Variants in UBQLN4 observed in about 807,000 individuals in gnomAD.
UBQLN4 encodes the protein ubiquilin 4, also known as ubiquilin-4.
A neutral mutation model predicts 60.4 loss-of-function variants in UBQLN4; 11 were observed. The observed-to-expected ratio is 0.18, with a 90% CI of 0.11 to 0.30. The LOEUF is 0.30. Ranked by LOEUF, UBQLN4 falls within the 10% of genes least tolerant of loss-of-function variation. UBQLN4 has a pLI of 1.00. For missense variants in UBQLN4, 417 were observed against 795.5 expected (o/e 0.52, Z 5.72); for synonymous variants, 258 against 313.1 (o/e 0.82, Z 1.86).
chr1:156,042,308 C>A, intron 7 of UBQLN4, 72 bp from the exon 8 acceptor site: 1 of 1,495,632 alleles, frequency 6.7e-7, no homozygotes, highest in East Asian at 2.4e-5. Flanking sequence ...GCCTCAGACT[C>A]CCTGGGCACC....
chr1:156,053,220 G>A (rs963278978), intron 1 of UBQLN4, among the ~76,000 whole-genome samples: 1 of 152,170 alleles, frequency 6.6e-6, no homozygotes, highest in African/African-American at 2.4e-5. Context: ...GAGGCACAGA[G>A]TAGGCGCCGG....
At position 156,051,218 on chromosome 1, in the gene UBQLN4, A is replaced by G; in HGVS notation, c.370T>C (p.Ser124Pro). 6.2e-7 allele frequency: 1 copy of G among 1,609,742 alleles called. No homozygotes were observed. The highest frequency in any genetic ancestry group is 8.5e-7 in the Non-Finnish European group (1 of 1,177,990). The change falls in exon 3 of 11, where the codon TCT becomes CCT. Residue 124 changes from serine (S) to proline (P), a missense_variant. By Grantham distance (74) the Ser-to-Pro change is moderately conservative (BLOSUM62 -1). Coordinates refer to ENST00000368309, the MANE Select transcript of UBQLN4 (RefSeq NM_020131.5). ...SPATPAQPSTSGSASSDAGSG... is the reference protein window; with the variant it reads ...SPATPAQPSTPGSASSDAGSG... Reference sequence around the variant, plus strand: ...CCAGCATCTGAAGAGGCACTGCCAGAGGTGGAGGGCTGGGCAGGGGTGGCG... The same window carrying G: ...CCAGCATCTGAAGAGGCACTGCCAGGGGTGGAGGGCTGGGCAGGGGTGGCG...
chr1:156,035,972 G>T lies in UBQLN4; in HGVS notation c.*1006C>A. 1 of 985,790 alleles carries T rather than the reference G, an allele frequency of 1.0e-6. No homozygotes were observed. The highest frequency in any genetic ancestry group is 1.2e-6 in the Non-Finnish European group (1 of 830,152). 61.1% of individuals were successfully genotyped at this position (985,790 alleles called of 1,614,324 possible). ...CCCCAACCCCCTTCATGTCTTTTGA[G>T]GGGGGCTCAAACTACTGGTGCCTGG... On this transcript the variant is annotated 3_prime_UTR_variant, in exon 11 of 11. Transcript: ENST00000368309.
chr1:156,038,620 A>C (rs1320162956), intron 10 of UBQLN4, among the ~76,000 whole-genome samples: 1 of 152,072 alleles, frequency 6.6e-6, no homozygotes, highest in East Asian at 1.9e-4. Context: ...CTGTGCCATA[A>C]CACTCCAGCA....
chr1:156,038,571 C>T (rs1683464945), intron 10 of UBQLN4, among the ~76,000 whole-genome samples: 1 of 151,864 alleles, frequency 6.6e-6, no homozygotes, highest in South Asian at 2.1e-4. Flanking sequence ...GCAGGAGAAT[C>T]GCTTGAACCC....
intron 10 of UBQLN4, 50 bp downstream of exon 10, chr1:156,041,435 C>T: frequency 6.8e-7 from 1 of 1,473,944 alleles, no homozygotes; most frequent in Non-Finnish European, 9.0e-7. Flanking sequence ...CTTGAAACCT[C>T]CCAGGATCAA....
In UBQLN4 at chr1:156,050,895, CCT is replaced by C. The variant is rs1476802111; in HGVS notation, c.478+213_478+214del. 1.3e-5 allele frequency among the ~76,000 whole-genome samples: 2 copies of C among 151,912 alleles called. No homozygotes were observed. The highest frequency in any genetic ancestry group is 2.4e-5 in the African/African-American group (1 of 41,262). On this transcript the variant is annotated intron_variant, in intron 3 of 10. Transcript: ENST00000368309. The surrounding 1 kb of genome is among the most constrained non-coding windows in gnomAD (Gnocchi z 4.6). ...CCCACATCCCCAACCCCATTTCTCC[CCT>C]CACTCCTAACCCTTAGCCATGGTCC...
chr1:156,051,415 C>G, intron 2 of UBQLN4, 88 bp from the exon 3 acceptor site: 1 of 1,479,270 alleles, frequency 6.8e-7, no homozygotes, highest in Non-Finnish European at 9.2e-7. Context: ...TATGGGACAA[C>G]TATTTTAACC....
intron 10 of UBQLN4, among the ~76,000 whole-genome samples, chr1:156,040,476 C>T (rs1336818870): frequency 3.1e-5 from 4 of 128,268 alleles, no homozygotes; most frequent in African/African-American, 5.8e-5. Context: ...GATGGAGTCT[C>T]GCTCTGTCAC....
At chr1:156,053,055 C>T (rs1039885269) in intron 1 of UBQLN4, among the ~76,000 whole-genome samples, 1 of 152,166 alleles carries the variant, frequency 6.6e-6, no homozygotes, top group African/African-American at 2.4e-5. Flanking sequence ...CGTCATTCAA[C>T]AAGATTTTAT....
chr1:156,045,176 G>A (rs569065266), intron 5 of UBQLN4, among the ~76,000 whole-genome samples: 10 of 152,206 alleles, frequency 6.6e-5, no homozygotes, highest in African/African-American at 1.7e-4. Flanking sequence ...CCTCCCCACC[G>A]TAGGGTTTCA....
In UBQLN4 at chr1:156,051,138, T is replaced by A; in HGVS notation, c.450A>T (p.Gly150=). ...GGGPSPGAGE[G]SPSATASILS... Reference sequence around the variant, plus strand: ...GTATGGACGCAGTAGCACTGGGGGATCCCTCCCCAGCCCCCGGAGAGGGCC... The same window carrying A: ...GTATGGACGCAGTAGCACTGGGGGAACCCTCCCCAGCCCCCGGAGAGGGCC... Residue 150 remains glycine, a synonymous_variant, in exon 3 of 11, where the codon GGA becomes GGT. Coordinates refer to ENST00000368309, the MANE Select transcript of UBQLN4 (RefSeq NM_020131.5). The A allele has an allele frequency of 1.2e-6, 2 of 1,613,092 alleles. No individual in the cohort carries two copies. The highest frequency in any genetic ancestry group is 2.7e-5 in the African/African-American group (2 of 75,000).
rs1683411908 is a variant in UBQLN4, at chr1:156,036,691, T to G, written c.*287A>C. 1 of 1,135,146 alleles carries G rather than the reference T, an allele frequency of 8.8e-7. No individual in the cohort carries two copies. The highest frequency in any genetic ancestry group is 1.1e-6 in the Non-Finnish European group (1 of 924,142). The allele number at this position is 1,135,146 out of a possible 1,614,324, so 70.3% of individuals were successfully genotyped here. On this transcript the variant is annotated 3_prime_UTR_variant, in exon 11 of 11. Transcript: ENST00000368309. ...ACTGAAAGTTTAAAGATTGCAAAAG[T>G]GGTGTGGGGCAAGGAGGTAGAGTCA...
At chr1:156,038,493 C>T (rs1243234177) in intron 10 of UBQLN4, among the ~76,000 whole-genome samples, 3 of 151,686 alleles carry the variant, frequency 2.0e-5, no homozygotes, top group Admixed American at 6.6e-5. Flanking sequence ...TACCCCGAGA[C>T]TAAAGATACA....
At chr1:156,037,270 G>C in intron 10 of UBQLN4, 140 bp from the exon 11 acceptor site, 1 of 1,095,852 alleles carries the variant, frequency 9.1e-7, no homozygotes, top group Non-Finnish European at 1.3e-6. Context: ...GCTGCAAATG[G>C]GGGCCCAGGA....
chr1:156,038,386 G>A (rs369283664), intron 10 of UBQLN4, among the ~76,000 whole-genome samples: 26 of 144,430 alleles, frequency 1.8e-4, no homozygotes, highest in East Asian at 4.2e-4. Context: ...ACAAAAGTGC[G>A]TGGTGGCTCA....
chr1:156,035,359 G>A lies in UBQLN4; in HGVS notation c.*1619C>T. On this transcript the variant is annotated 3_prime_UTR_variant, in exon 11 of 11. Transcript: ENST00000368309. ...GCCAGTGTGGGAGCTGGGGGAGGCA[G>A]GGAGGGAAAGCCACACAGACATCTT... 1.0e-6 allele frequency: 1 copy of A among 985,338 alleles called. No homozygotes were observed. Among genetic ancestry groups the A allele is most frequent in the Non-Finnish European group, 1.2e-6 (1 of 829,878 alleles). 61.0% of individuals were successfully genotyped at this position (985,338 alleles called of 1,614,324 possible).
intron 10 of UBQLN4, among the ~76,000 whole-genome samples, chr1:156,040,202 T>C (rs1427779439): frequency 6.6e-6 from 1 of 151,506 alleles, no homozygotes; most frequent in African/African-American, 2.4e-5. Context: ...GAGACCAGCC[T>C]GGACAACATG....
At chr1:156,039,049 C>A (rs1396552326) in intron 10 of UBQLN4, among the ~76,000 whole-genome samples, 2 of 152,144 alleles carry the variant, frequency 1.3e-5, no homozygotes, top group Non-Finnish European at 2.9e-5. Context: ...GCCTTGGCCT[C>A]CCAAAATGTT....
Sources: allele counts gnomAD v4.1 joint callset (sites outside exome capture counted in the v4.1 genomes callset), GRCh38; gene constraint gnomAD v4.1.1; non-coding constraint Gnocchi (gnomAD v3.1); transcripts MANE v1.5; gene names NCBI Gene and HGNC (gene_info 2026-07-23, HGNC 2026-07-21).